NSD2: variants seen among roughly 807,000 people sequenced by gnomAD.
NSD2 encodes nuclear receptor binding SET domain protein 2, also known as histone-lysine N-methyltransferase NSD2.
NSD2 carries 12 observed loss-of-function variants against 139.0 expected under a neutral mutation model. That is an observed-to-expected ratio of 0.09 (90% CI 0.06 to 0.14). The LOEUF (loss-of-function observed/expected upper bound fraction) is 0.14. Among genes scored for constraint, NSD2 ranks in the 10% least tolerant of loss-of-function variants. The probability of loss-of-function intolerance (pLI) is 1.00; values close to 1 mark genes in which losing one functional copy is unlikely to be tolerated. For synonymous variants in NSD2, 669 were observed against 648.7 expected (o/e 1.03, Z -0.48); for missense variants, 1,155 against 1,745.0 (o/e 0.66, Z 6.02).
At chr4:1,943,735 A>C (rs978173753) in intron 9 of NSD2, 134 of 1,057,220 alleles carry the variant, frequency 1.3e-4, no homozygotes, top group Non-Finnish European at 1.5e-4. Flanking sequence ...TCAAAAAAAA[A>C]CCCCACGAAA....
At chr4:1,936,701 G>C (rs1286708141) in intron 7 of NSD2, among the ~76,000 whole-genome samples, 2 of 151,144 alleles carry the variant, frequency 1.3e-5, no homozygotes, top group Non-Finnish European at 2.9e-5. Context: ...TTCTGACAGA[G>C]TAGTTGTATA....
At chr4:1,930,857 A>G in intron 6 of NSD2, 87 bp downstream of exon 6, 1 of 1,479,310 alleles carries the variant, frequency 6.8e-7, no homozygotes, top group Non-Finnish European at 9.1e-7. Flanking sequence ...ACCGTAGGGA[A>G]GTGTGTCCAC....
intron 1 of NSD2, among the ~76,000 whole-genome samples, chr4:1,877,181 G>A (rs181430285): frequency 6.6e-6 from 1 of 152,230 alleles, no homozygotes; most frequent in East Asian, 1.9e-4. Context: ...ATCTGTGCAT[G>A]TTAGCAATGT....
At chr4:1,908,756 C>A (rs114476127) in intron 3 of NSD2, among the ~76,000 whole-genome samples, 2 of 152,208 alleles carry the variant, frequency 1.3e-5, no homozygotes, top group African/African-American at 4.8e-5. Flanking sequence ...TGCTTGTAGT[C>A]TGTCCCAACA....
chr4:1,943,018 C>G, intron 9 of NSD2: 1 of 1,050,632 alleles, frequency 9.5e-7, no homozygotes, highest in Non-Finnish European at 1.1e-6. Flanking sequence ...CCATTTAACC[C>G]TTTTGATCCA....
chr4:1,950,356 G>C (rs1359536725), intron 9 of NSD2, among the ~76,000 whole-genome samples: 1 of 152,160 alleles, frequency 6.6e-6, no homozygotes, highest in Non-Finnish European at 1.5e-5. Flanking sequence ...TTTATCCCAG[G>C]CCTTTTACCT....
At chr4:1,978,610 T>C in intron 21 of NSD2, 28 bp from the exon 22 acceptor site, 1 of 1,579,980 alleles carries the variant, frequency 6.3e-7, no homozygotes, top group Non-Finnish European at 8.6e-7. Context: ...ATCACTTCTG[T>C]GTGCTCACAT....
At chr4:1,901,290 G>C in intron 2 of NSD2, 39 bp downstream of exon 2, 1 of 1,515,460 alleles carries the variant, frequency 6.6e-7, no homozygotes, top group Non-Finnish European at 8.8e-7. Context: ...ATGTGACCTT[G>C]AGCAGTGAGC....
At chr4:1,928,669 G>C (rs1721249889) in intron 5 of NSD2, among the ~76,000 whole-genome samples, 1 of 152,148 alleles carries the variant, frequency 6.6e-6, no homozygotes. Context: ...CTTTGACGAA[G>C]CAGTAAAGGA....
At position 1,974,020 on chromosome 4, in the gene NSD2, C is replaced by T. The variant is rs1326401119; in HGVS notation, c.3373-843C>T. On this transcript the variant is annotated intron_variant, in intron 18 of 21. Transcript: ENST00000508803. This position sits in a 1 kb window ranked among gnomAD's most constrained non-coding sequence, Gnocchi z 4.0. ...GCTTGCATTTGTGATTCCCGTGGCC[C>T]TTATCAGGTTGCTGCCTCGAAAGCC... Among the ~76,000 whole-genome samples the T allele has an allele frequency of 3.9e-5, 6 of 152,114 alleles. No individual in the cohort carries two copies. In the South Asian group the frequency reaches 1.2e-3, roughly 32 times the overall value.
intron 10 of NSD2, 146 bp from the exon 11 acceptor site, chr4:1,951,962 C>A: frequency 7.8e-7 from 1 of 1,279,492 alleles, no homozygotes; most frequent in Non-Finnish European, 1.1e-6. Context: ...TTGGGCCAGA[C>A]GTTTGCCCAT....
At chr4:1,871,601 A>AGGCCGGGC (rs1420922675) in intron 1 of NSD2, 59 bp downstream of exon 1, 7 of 149,820 alleles carry the variant, frequency 4.7e-5, no homozygotes, top group African/African-American at 1.7e-4. Flanking sequence ...TGGGGCCGGG[A>AGGCCGGGC]GGCCGGGCTG....
At chr4:1,906,892 C>T (rs769299013) in intron 3 of NSD2, among the ~76,000 whole-genome samples, 2 of 151,886 alleles carry the variant, frequency 1.3e-5, no homozygotes, top group Non-Finnish European at 2.9e-5. Flanking sequence ...AACCTCTGAC[C>T]TCAAGTGATC....
Position 1,955,384 on chromosome 4 carries a change from C to T in NSD2, c.2518+44C>T. ...TCTGCGGCACACGCCTCTCACACTC[C>T]CAGGAGCCACATATCAAGGCAGGCT... is the stretch of plus-strand genomic sequence containing the variant. On this transcript the variant is annotated intron_variant, in intron 13 of 21. Coordinates refer to ENST00000508803, the MANE Select transcript of NSD2 (RefSeq NM_001042424.3). The surrounding 1 kb of genome is among the most constrained non-coding windows in gnomAD (Gnocchi z 4.7). The T allele has an allele frequency of 6.4e-7, 1 of 1,569,610 alleles. No homozygotes were observed. The highest frequency in any genetic ancestry group is 1.1e-5 in the South Asian group (1 of 87,358).
intron 9 of NSD2, chr4:1,943,359 T>A: frequency 9.6e-7 from 1 of 1,043,440 alleles, no homozygotes; most frequent in Non-Finnish European, 1.2e-6. Context: ...TGTAAGATGC[T>A]TAGGGTGCCT....
chr4:1,886,519 C>T (rs921060417), intron 1 of NSD2, among the ~76,000 whole-genome samples: 1 of 152,070 alleles, frequency 6.6e-6, no homozygotes, highest in Admixed American at 6.6e-5. Flanking sequence ...TCAGCTGTTT[C>T]TATTTATCTG....
At chr4:1,895,021 G>A (rs1716072755) in intron 1 of NSD2, among the ~76,000 whole-genome samples, 1 of 152,102 alleles carries the variant, frequency 6.6e-6, no homozygotes, top group African/African-American at 2.4e-5. Flanking sequence ...TCATGTACGT[G>A]GAATTTTACA....
chr4:1,939,375 T>A (rs1722834999), intron 8 of NSD2: 1 of 430,828 alleles, frequency 2.3e-6, no homozygotes, highest in Admixed American at 3.6e-5. Flanking sequence ...TGCTTCAGAA[T>A]AATCTGGCAG....
chr4:1,871,816 G>A (rs1279150068), intron 1 of NSD2, among the ~76,000 whole-genome samples: 1 of 149,192 alleles, frequency 6.7e-6, no homozygotes. Flanking sequence ...CGCGGAGGCC[G>A]GGACGAGTCC....
Sources: gnomAD v4.1 joint callset for allele counts (sites outside exome capture counted in the v4.1 genomes callset) on GRCh38, gnomAD v4.1.1 for gene constraint, Gnocchi (gnomAD v3.1) non-coding constraint, MANE v1.5 for transcripts, NCBI Gene and HGNC (gene_info 2026-07-23, HGNC 2026-07-21) for gene names.